The following CEP85 variants were observed in gnomAD, a reference collection of about 807,000 sequenced individuals.
CEP85 encodes centrosomal protein of 85 kDa.
A neutral mutation model predicts 93.7 loss-of-function variants in CEP85; 58 were observed. That is an observed-to-expected ratio of 0.62 (90% CI 0.50 to 0.77). The LOEUF (loss-of-function observed/expected upper bound fraction) is 0.77. CEP85 is among the 30% of genes least tolerant of loss of function. The probability of loss-of-function intolerance (pLI) is 0.00; values close to 1 mark genes in which losing one functional copy is unlikely to be tolerated. For synonymous variants in CEP85, 314 were observed against 338.6 expected (o/e 0.93, Z 0.80); for missense variants, 868 against 922.0 (o/e 0.94, Z 0.76).
chr1:26,270,207 C>T (rs752448541), intron 9 of CEP85, among the ~76,000 whole-genome samples: 1 of 152,154 alleles, frequency 6.6e-6, no homozygotes, highest in Non-Finnish European at 1.5e-5. Flanking sequence ...AATGAAAGCA[C>T]TTTGTAAACT....
chr1:26,269,323 T>C (rs2089937701), intron 8 of CEP85, 137 bp from the exon 9 acceptor site: 1 of 770,180 alleles, frequency 1.3e-6, no homozygotes, highest in Non-Finnish European at 2.1e-6. Flanking sequence ...GCACCCTTTC[T>C]GCAGAAAGTA....
Position 26,272,062 on chromosome 1 carries a change from A to G in CEP85, c.1785A>G (p.Ser595=), listed in dbSNP as rs767279554. ...AGCAGAAGATGGATCAGTTGCGCTC[A>G]CAAGTACAGGTGAGCAGGAATCCTT... ...KQQQKMDQLR[S]QVQSLEQEVA... The change falls in exon 11 of 14, where the codon TCA becomes TCG. Residue 595 remains serine (S), a synonymous_variant. Coordinates refer to ENST00000451429, the MANE Select transcript of CEP85 (RefSeq NM_001319944.2). 1 of 1,614,098 alleles carries G rather than the reference A, an allele frequency of 6.2e-7. No individual in the cohort carries two copies.
intron 1 of CEP85, among the ~76,000 whole-genome samples, chr1:26,237,359 T>A (rs11808575): frequency 3.3e-5 from 5 of 152,024 alleles, no homozygotes; most frequent in Admixed American, 3.3e-4. Context: ...AGCAGTCCCT[T>A]CCTATTCTCC....
At chr1:26,244,014 A>C (rs1266981144) in intron 2 of CEP85, 152 bp from the exon 3 acceptor site, 2 of 460,462 alleles carry the variant, frequency 4.3e-6, no homozygotes, top group Admixed American at 8.1e-5. Context: ...AAAAAAAAAA[A>C]AAACTAGATC....
In CEP85 at chr1:26,269,573, C is replaced by A. The variant is rs780164736; in HGVS notation, c.1608C>A (p.Ser536Arg). ...GAGAGAAGGAGATTCAACTGGAAAG[C>A]CTGAGGCAGAGAGAAGCAGAATTCT... ...ICREKEIQLE[S>R]LRQREAEFSS... is the part of the protein sequence containing the mutation. The change falls in exon 9 of 14, where the codon AGC becomes AGA. Residue 536 changes from serine to arginine, a missense_variant. By Grantham distance (110) the Ser-to-Arg change is moderately radical. Coordinates refer to ENST00000451429, the MANE Select transcript of CEP85 (RefSeq NM_001319944.2). 1 of 1,614,004 alleles carries A rather than the reference C, an allele frequency of 6.2e-7. No individual in the cohort carries two copies. The highest frequency in any genetic ancestry group is 8.5e-7 in the Non-Finnish European group (1 of 1,179,970).
At chr1:26,270,992 T>C in intron 9 of CEP85, 22 bp from the exon 10 acceptor site, 2 of 1,506,060 alleles carry the variant, frequency 1.3e-6, no homozygotes, top group African/African-American at 1.4e-5. Context: ...TCAGAGTTCT[T>C]GAAGAGGCCA....
At chr1:26,272,339 T>C (rs2089987258) in intron 11 of CEP85, 1 of 453,554 alleles carries the variant, frequency 2.2e-6, no homozygotes, top group Non-Finnish European at 4.0e-6. Flanking sequence ...GAGAGGTTTC[T>C]GGAGATCCTG....
chr1:26,268,166 A>G (rs2089919178), intron 7 of CEP85, among the ~76,000 whole-genome samples: 1 of 152,216 alleles, frequency 6.6e-6, no homozygotes, highest in African/African-American at 2.4e-5. Flanking sequence ...GCTTCAAAAA[A>G]AGTTGATGTG....
intron 2 of CEP85, among the ~76,000 whole-genome samples, chr1:26,241,837 C>T (rs2089431933): frequency 1.3e-5 from 2 of 151,950 alleles, no homozygotes; most frequent in African/African-American, 4.8e-5. Context: ...TCTCAGCTCA[C>T]TGCAACTTCT....
chr1:26,256,928 G>GGTGTGTGTGT lies in CEP85; in HGVS notation c.904-650_904-641dup, dbSNP rs71004573. On this transcript the variant is annotated intron_variant, in intron 4 of 13. Coordinates refer to ENST00000451429, the MANE Select transcript of CEP85 (RefSeq NM_001319944.2). ...TCCTTTTTTTGTTTTGTTTTGTTTT[G>GGTGTGTGTGT]GTGTGTGTGTGTGTGTGTGTGTGTG... is the stretch of plus-strand genomic sequence containing the variant. 3.4e-3 allele frequency among the ~76,000 whole-genome samples: 381 copies of GGTGTGTGTGT among 111,484 alleles called. 1 individual carries two copies. The highest frequency in any genetic ancestry group is 9.0e-3 in the African/African-American group (267 of 29,592). The allele number at this position is 111,484 out of a possible 152,430, so 73.1% of individuals were successfully genotyped here. A position where few individuals can be genotyped will look rare whatever the true frequency, so the allele number is the denominator to read the frequency against.
chr1:26,250,750 A>G (rs761107614), intron 3 of CEP85, among the ~76,000 whole-genome samples: 1 of 151,992 alleles, frequency 6.6e-6, no homozygotes, highest in Non-Finnish European at 1.5e-5. Context: ...TTACTGTAAG[A>G]GAATACCTGA....
chr1:26,247,008 T>C (rs1003249131), intron 3 of CEP85, among the ~76,000 whole-genome samples: 1 of 152,196 alleles, frequency 6.6e-6, no homozygotes, highest in Non-Finnish European at 1.5e-5. Flanking sequence ...GGTCGAGCGT[T>C]ACCGCCTGAG....
chr1:26,244,400 T>G, intron 3 of CEP85, 82 bp downstream of exon 3: 1 of 1,260,888 alleles, frequency 7.9e-7, no homozygotes, highest in African/African-American at 1.5e-5. Flanking sequence ...ATTTCCAGAT[T>G]GTGTTATTTC....
intron 3 of CEP85, among the ~76,000 whole-genome samples, chr1:26,250,878 G>A (rs1328491240): frequency 6.7e-6 from 1 of 149,712 alleles, no homozygotes; most frequent in African/African-American, 2.5e-5. Context: ...ATAACATGGT[G>A]GAAAAGCAGA....
At chr1:26,239,884 GT>G in intron 2 of CEP85, 46 bp downstream of exon 2, 1 of 1,383,622 alleles carries the variant, frequency 7.2e-7, no homozygotes, top group Non-Finnish European at 1.0e-6. Flanking sequence ...CCTTTGTTCT[GT>G]TTTTTCATAT....
At chr1:26,238,967 C>G (rs1390581613) in intron 1 of CEP85, among the ~76,000 whole-genome samples, 2 of 152,168 alleles carry the variant, frequency 1.3e-5, no homozygotes, top group African/African-American at 4.8e-5. Context: ...CATCGTATGA[C>G]TGACTTTAAT....
chr1:26,265,401 G>A (rs1040413142), intron 7 of CEP85, among the ~76,000 whole-genome samples: 2 of 152,000 alleles, frequency 1.3e-5, no homozygotes, highest in Non-Finnish European at 2.9e-5. Context: ...TTACAGGTGT[G>A]AGCCACCACA....
At chr1:26,265,416 G>C (rs2089879270) in intron 7 of CEP85, among the ~76,000 whole-genome samples, 3 of 152,094 alleles carry the variant, frequency 2.0e-5, no homozygotes, top group Admixed American at 2.0e-4. Flanking sequence ...ACCACACCCG[G>C]CCATATACAT....
In CEP85 at chr1:26,256,928, G is replaced by GTGTGTGT. The variant is rs199539021; in HGVS notation, c.904-669_904-668insTGTGTGT. On this transcript the variant is annotated intron_variant, in intron 4 of 13. Transcript: ENST00000451429. ...TCCTTTTTTTGTTTTGTTTTGTTTT[G>GTGTGTGT]GTGTGTGTGTGTGTGTGTGTGTGTG... 7.5e-3 allele frequency among the ~76,000 whole-genome samples: 832 copies of GTGTGTGT among 111,474 alleles called. 11 individuals carry two copies. The highest frequency in any genetic ancestry group is 0.027 in the South Asian group (96 of 3,504). 73.1% of individuals were successfully genotyped at this position (111,474 alleles called of 152,430 possible).
Sources: allele counts gnomAD v4.1 joint callset (sites outside exome capture counted in the v4.1 genomes callset), GRCh38; gene constraint gnomAD v4.1.1; transcripts MANE v1.5; gene names NCBI Gene and HGNC (gene_info 2026-07-23, HGNC 2026-07-21).